Variants in GFOD1 observed in about 807,000 individuals in gnomAD.
The protein encoded by GFOD1 is Gfo/Idh/MocA-like oxidoreductase domain containing 1.
GFOD1 carries 9 observed loss-of-function variants against 25.4 expected under a neutral mutation model. The observed-to-expected ratio is 0.35, with a 90% CI of 0.21 to 0.62. GFOD1 has a LOEUF of 0.62. GFOD1 is among the 20% of genes least tolerant of loss of function. The pLI is 0.72. For synonymous variants in GFOD1, 253 were observed against 245.6 expected (o/e 1.03, Z -0.28); for missense variants, 403 against 556.9 (o/e 0.72, Z 2.78).
chr6:13,368,280 A>G (rs1186613831), intron 1 of GFOD1, among the ~76,000 whole-genome samples: 3 of 152,332 alleles, frequency 2.0e-5, no homozygotes, highest in South Asian at 4.1e-4. Context: ...CTTTTCTTCT[A>G]TGTTGGCAGA....
intron 1 of GFOD1, among the ~76,000 whole-genome samples, chr6:13,485,278 G>C (rs896312168): frequency 6.6e-6 from 1 of 152,174 alleles, no homozygotes; most frequent in Admixed American, 6.5e-5. Context: ...ATAGCTCTTC[G>C]AAGACAGAAT....
intron 1 of GFOD1, among the ~76,000 whole-genome samples, chr6:13,485,514 A>G (rs1057312851): frequency 6.6e-6 from 1 of 152,222 alleles, no homozygotes; most frequent in Non-Finnish European, 1.5e-5. Flanking sequence ...CAGCTTTCAA[A>G]GGTGAGCTGC....
chr6:13,450,172 C>G (rs1295375714), intron 1 of GFOD1, among the ~76,000 whole-genome samples: 1 of 152,178 alleles, frequency 6.6e-6, no homozygotes, highest in African/African-American at 2.4e-5. Context: ...GATCTGGCCT[C>G]TCAATGGACA....
chr6:13,415,169 A>T (rs1786142746), intron 1 of GFOD1, among the ~76,000 whole-genome samples: 1 of 152,118 alleles, frequency 6.6e-6, no homozygotes. Flanking sequence ...GGACACTTAA[A>T]ATATTCCTCA....
At chr6:13,404,332 T>G (rs143574670) in intron 1 of GFOD1, among the ~76,000 whole-genome samples, 1 of 152,204 alleles carries the variant, frequency 6.6e-6, no homozygotes, top group African/African-American at 2.4e-5. Context: ...TGAGGGAAAC[T>G]GCAGCCAGCC....
chr6:13,458,645 T>C (rs138998651), intron 1 of GFOD1, among the ~76,000 whole-genome samples: 2 of 150,394 alleles, frequency 1.3e-5, no homozygotes, highest in African/African-American at 2.4e-5. Flanking sequence ...AATACCTGCA[T>C]TATAGGGTTG....
chr6:13,384,360 T>A (rs549814520), intron 1 of GFOD1, among the ~76,000 whole-genome samples: 4 of 152,386 alleles, frequency 2.6e-5, no homozygotes, highest in Non-Finnish European at 5.9e-5. Context: ...TCACTTACTC[T>A]ATGAACTCGT....
chr6:13,458,363 C>A (rs1758228563), intron 1 of GFOD1, among the ~76,000 whole-genome samples: 1 of 152,100 alleles, frequency 6.6e-6, no homozygotes, highest in Non-Finnish European at 1.5e-5. Context: ...TGATCCGCCC[C>A]CGCTTGGCCT....
At chr6:13,486,172 T>G (rs1758861243) in intron 1 of GFOD1, 2 of 990,920 alleles carry the variant, frequency 2.0e-6, no homozygotes, top group Admixed American at 1.2e-4. Flanking sequence ...GTGTGCGGCC[T>G]TTTATTCAGG....
intron 1 of GFOD1, among the ~76,000 whole-genome samples, chr6:13,370,298 G>A (rs567683735): frequency 6.6e-6 from 1 of 152,176 alleles, no homozygotes; most frequent in Non-Finnish European, 1.5e-5. Flanking sequence ...ATGCAACTCA[G>A]ACAGATGCAC....
In GFOD1 at chr6:13,386,059, C is replaced by G. The variant is rs1366920284; in HGVS notation, c.254-20397G>C. 5.8e-5 allele frequency among the ~76,000 whole-genome samples: 6 copies of G among 102,920 alleles called. No individual in the cohort carries two copies. In the Admixed American group the frequency reaches 6.4e-4, roughly 11 times the overall value. 67.5% of individuals were successfully genotyped at this position (102,920 alleles called of 152,430 possible). ...CCCAGGCCAGGGAGTTTGGGTAATTCCTTTTTTTTTTTTTTTTTTGAGACA... is the reference window on the plus strand; with the variant it reads ...CCCAGGCCAGGGAGTTTGGGTAATTGCTTTTTTTTTTTTTTTTTTGAGACA... On this transcript the variant is annotated intron_variant, in intron 1 of 1. Transcript: ENST00000379287.
chr6:13,487,023 G>T lies in GFOD1; in HGVS notation c.-133C>A. 1.7e-6 allele frequency: 2 copies of T among 1,144,602 alleles called. No homozygotes were observed. The highest frequency in any genetic ancestry group is 2.4e-6 in the Non-Finnish European group (2 of 828,008). The allele number at this position is 1,144,602 out of a possible 1,614,324, so 70.9% of individuals were successfully genotyped here. On this transcript the variant is annotated 5_prime_UTR_variant, in exon 1 of 2. Coordinates refer to ENST00000379287, the MANE Select transcript of GFOD1 (RefSeq NM_018988.4). This position sits in a 1 kb window ranked among gnomAD's most constrained non-coding sequence, Gnocchi z 4.9. ...CGCGGTGCGCCAGCCGCCGTGCACC[G>T]GGCAAGGCGCCCGGGTGCCCAGAGC...
intron 1 of GFOD1, among the ~76,000 whole-genome samples, chr6:13,380,824 G>A (rs114806899): frequency 0.016 from 2,448 of 152,282 alleles, 37 homozygotes; most frequent in South Asian, 0.025. Context: ...TGGGAAATTC[G>A]TCTTATCAAC....
chr6:13,433,270 C>A (rs1356557939), intron 1 of GFOD1, among the ~76,000 whole-genome samples: 1 of 152,166 alleles, frequency 6.6e-6, no homozygotes, highest in Non-Finnish European at 1.5e-5. Context: ...CATGCACCTG[C>A]CACCACGCCT....
At chr6:13,372,097 G>A (rs985449803) in intron 1 of GFOD1, among the ~76,000 whole-genome samples, 1 of 152,200 alleles carries the variant, frequency 6.6e-6, no homozygotes, top group Non-Finnish European at 1.5e-5. Context: ...TATCCTCTCA[G>A]CAGCAAATAA....
intron 1 of GFOD1, among the ~76,000 whole-genome samples, chr6:13,431,353 C>A (rs1307601784): frequency 2.6e-5 from 4 of 152,178 alleles, no homozygotes; most frequent in African/African-American, 9.7e-5. Flanking sequence ...TAGTCTGAGT[C>A]AAGATTCCAT....
intron 1 of GFOD1, among the ~76,000 whole-genome samples, chr6:13,475,930 G>C (rs1758613977): frequency 6.6e-6 from 1 of 151,892 alleles, no homozygotes; most frequent in South Asian, 2.1e-4. Context: ...TCAAAAAAAA[G>C]ACTGACAATA....
intron 1 of GFOD1, among the ~76,000 whole-genome samples, chr6:13,383,912 A>G (rs1001412188): frequency 2.6e-5 from 4 of 152,304 alleles, no homozygotes; most frequent in Middle Eastern, 6.8e-3. Flanking sequence ...TAACACCATT[A>G]ACACTGTGAT....
At chr6:13,484,446 G>A (rs1395240407) in intron 1 of GFOD1, among the ~76,000 whole-genome samples, 2 of 152,048 alleles carry the variant, frequency 1.3e-5, no homozygotes, top group East Asian at 1.9e-4. Flanking sequence ...AAACCAAGAC[G>A]ACCACCCCAC....
Sources: gnomAD v4.1 joint callset for allele counts (sites outside exome capture counted in the v4.1 genomes callset) on GRCh38, gnomAD v4.1.1 for gene constraint, Gnocchi (gnomAD v3.1) non-coding constraint, MANE v1.5 for transcripts, NCBI Gene and HGNC (gene_info 2026-07-23, HGNC 2026-07-21) for gene names.